The following SRGAP2B variants were observed in gnomAD, a reference collection of about 807,000 sequenced individuals.
SRGAP2B encodes the protein SLIT-ROBO Rho GTPase-activating protein 2B.
Under a neutral mutation model 22.2 loss-of-function variants are expected in SRGAP2B, and 9 were observed. That is an observed-to-expected ratio of 0.41 (90% confidence interval 0.24 to 0.71). SRGAP2B has a LOEUF of 0.71. SRGAP2B is among the 30% of genes least tolerant of loss of function. The pLI, the probability that SRGAP2B is intolerant of heterozygous loss-of-function variation, is 0.35. For missense variants in SRGAP2B, 114 were observed against 235.8 expected, an observed-to-expected ratio of 0.48 and a Z score of 3.38; for synonymous variants, 36 against 87.4, an observed-to-expected ratio of 0.41 and a Z score of 3.28.
chr1:145,084,075 T>C lies in SRGAP2B; in HGVS notation c.67+8760A>G, dbSNP rs587693941. ...TGAGATTTCTTTCTTTCTTTTCTTTTTTTTTTTTTTTTTTTGAGATGGAGT... is the reference window on the plus strand; with the variant it reads ...TGAGATTTCTTTCTTTCTTTTCTTTCTTTTTTTTTTTTTTTGAGATGGAGT... On this transcript the variant is annotated intron_variant, in intron 2 of 9. Transcript: ENST00000612199. Among the ~76,000 whole-genome samples the C allele has an allele frequency of 7.4e-3, 1,033 of 139,942 alleles. 10 individuals carry two copies. Among genetic ancestry groups the C allele is most frequent in the Middle Eastern group, 0.015 (4 of 268 alleles). 91.8% of individuals were successfully genotyped at this position (139,942 alleles called of 152,430 possible). A position where few individuals can be genotyped will look rare whatever the true frequency, so the allele number is the denominator to read the frequency against.
chr1:144,970,691 T>C (rs1386085986), intron 3 of SRGAP2B, among the ~76,000 whole-genome samples: 1 of 148,820 alleles, frequency 6.7e-6, no homozygotes, highest in African/African-American at 2.5e-5. Flanking sequence ...GTGCTAGATA[T>C]ATTATATGGA....
intron 2 of SRGAP2B, among the ~76,000 whole-genome samples, chr1:145,039,527 A>G (rs1166428626): frequency 2.1e-5 from 3 of 141,868 alleles, no homozygotes; most frequent in African/African-American, 7.8e-5. Flanking sequence ...TACAGAATTA[A>G]AAGGCCACAA....
At chr1:144,892,541 C>T in intron 9 of SRGAP2B, among the ~76,000 whole-genome samples, 160 bp from the exon 10 acceptor site, 1 of 148,930 alleles carries the variant, frequency 6.7e-6, no homozygotes, top group East Asian at 2.0e-4. Context: ...GTAAACATCA[C>T]ATGGACTCTG....
At chr1:144,980,013 C>T (rs372794968) in intron 3 of SRGAP2B, among the ~76,000 whole-genome samples, 1,729 of 150,404 alleles carry the variant, frequency 0.011, 16 homozygotes, top group South Asian at 0.029. Flanking sequence ...CACCCATTAC[C>T]GGAGAAAACA....
At chr1:144,912,108 G>A (rs1663467980) in intron 5 of SRGAP2B, among the ~76,000 whole-genome samples, 1 of 146,782 alleles carries the variant, frequency 6.8e-6, no homozygotes, top group Non-Finnish European at 1.5e-5. Flanking sequence ...CCGCCACCAT[G>A]CCCAGCTATT....
chr1:144,984,369 A>C (rs1346134501), intron 3 of SRGAP2B, among the ~76,000 whole-genome samples: 1 of 146,438 alleles, frequency 6.8e-6, no homozygotes, highest in South Asian at 2.1e-4. Context: ...CAACAACAAA[A>C]AAAAAAAAAC....
At chr1:144,964,948 G>A (rs1446721819) in intron 3 of SRGAP2B, 1 of 1,023,310 alleles carries the variant, frequency 9.8e-7, no homozygotes, top group Non-Finnish European at 1.5e-6. Context: ...CGGAGGTAGA[G>A]GGAGGACACA....
intron 2 of SRGAP2B, among the ~76,000 whole-genome samples, chr1:145,025,957 A>C (rs1213877179): frequency 6.8e-6 from 1 of 146,160 alleles, no homozygotes; most frequent in Non-Finnish European, 1.5e-5. Context: ...AGGGCAGGGG[A>C]TGGGAGGCGG....
At chr1:144,984,796 T>A (rs1669595420) in intron 3 of SRGAP2B, among the ~76,000 whole-genome samples, 1 of 150,882 alleles carries the variant, frequency 6.6e-6, no homozygotes, top group Non-Finnish European at 1.5e-5. Context: ...TCATACTTAT[T>A]TAAACCATCA....
At chr1:144,971,070 T>A (rs1306942182) in intron 3 of SRGAP2B, among the ~76,000 whole-genome samples, 2 of 150,512 alleles carry the variant, frequency 1.3e-5, no homozygotes, top group Non-Finnish European at 2.9e-5. Flanking sequence ...CAAAATTCCT[T>A]TTATAATAAA....
chr1:145,063,631 AG>A (rs112405296), intron 2 of SRGAP2B, among the ~76,000 whole-genome samples: 8 of 150,710 alleles, frequency 5.3e-5, no homozygotes, highest in African/African-American at 1.7e-4. Flanking sequence ...AAATAACCAC[AG>A]GGCTGTGAGC....
At chr1:144,909,149 G>A (rs1570719729) in intron 5 of SRGAP2B, among the ~76,000 whole-genome samples, 1 of 150,472 alleles carries the variant, frequency 6.6e-6, no homozygotes, top group Admixed American at 6.6e-5. Flanking sequence ...AAAGCGGGTA[G>A]GCAAGCAGTA....
At chr1:145,045,278 C>G (rs1278597159) in intron 2 of SRGAP2B, among the ~76,000 whole-genome samples, 2 of 99,000 alleles carry the variant, frequency 2.0e-5, no homozygotes, top group African/African-American at 8.8e-5. Context: ...GCCTGGGGGA[C>G]GGAGCGAGAC....
chr1:144,959,369 T>G (rs587741446), intron 3 of SRGAP2B, among the ~76,000 whole-genome samples: 1 of 146,702 alleles, frequency 6.8e-6, no homozygotes, highest in East Asian at 2.0e-4. Context: ...TAAATCAATT[T>G]AAAGCTCAAG....
Position 144,955,609 on chromosome 1 carries a change from G to A in SRGAP2B, c.261-8C>T, listed in dbSNP as rs782105978. 2.6e-6 allele frequency: 2 copies of A among 758,948 alleles called. No individual in the cohort carries two copies. Among genetic ancestry groups the A allele is most frequent in the South Asian group, 1.5e-5 (1 of 65,876 alleles). The allele number at this position is 758,948 out of a possible 1,614,324, so 47.0% of individuals were successfully genotyped here. A position where few individuals can be genotyped will look rare whatever the true frequency, so the allele number is the denominator to read the frequency against. On this transcript the variant is annotated splice_polypyrimidine_tract_variant and splice_region_variant and intron_variant, in intron 3 of 9. Transcript: ENST00000612199. ...AGAACATTCTGATCCTTCCTGTGAA[G>A]AAACATCAAGGAAAAGAAGTCATTG...
chr1:145,076,669 G>A (rs1396682570), intron 2 of SRGAP2B, among the ~76,000 whole-genome samples: 2 of 143,042 alleles, frequency 1.4e-5, no homozygotes, highest in African/African-American at 2.8e-5. Context: ...ACTAAAGTGG[G>A]GTGAGATGAA....
chr1:144,980,012 C>T (rs1553614847), intron 3 of SRGAP2B, among the ~76,000 whole-genome samples: 2 of 150,410 alleles, frequency 1.3e-5, no homozygotes, highest in Non-Finnish European at 2.9e-5. Context: ...CCACCCATTA[C>T]CGGAGAAAAC....
intron 5 of SRGAP2B, among the ~76,000 whole-genome samples, chr1:144,907,133 G>T (rs1306803497): frequency 3.3e-4 from 48 of 146,820 alleles, no homozygotes; most frequent in African/African-American, 1.2e-3. Flanking sequence ...TTGGGTGTGT[G>T]TGTGCGTGTG....
At chr1:145,087,918 AG>A (rs1653575316) in intron 2 of SRGAP2B, among the ~76,000 whole-genome samples, 1 of 150,364 alleles carries the variant, frequency 6.7e-6, no homozygotes, top group Non-Finnish European at 1.5e-5. Flanking sequence ...GGTACTTGAA[AG>A]TTTCCAAGAG....
Sources: allele counts gnomAD v4.1 joint callset (sites outside exome capture counted in the v4.1 genomes callset), GRCh38; gene constraint gnomAD v4.1.1; transcripts MANE v1.5; gene names NCBI Gene and HGNC (gene_info 2026-07-23, HGNC 2026-07-21).